The following NR1I3 variants were observed in gnomAD, a reference collection of about 807,000 sequenced individuals.
NR1I3 encodes the protein constitutive activator of retinoid response.
A neutral mutation model predicts 38.4 loss-of-function variants in NR1I3; 30 were observed. The observed-to-expected ratio is 0.78, with a 90% CI of 0.58 to 1.06. The LOEUF (loss-of-function observed/expected upper bound fraction) is 1.06. Ranked by LOEUF, NR1I3 falls within the 50% of genes least tolerant of loss-of-function variation. The probability of loss-of-function intolerance (pLI) is 0.00; values close to 1 mark genes in which losing one functional copy is unlikely to be tolerated. For missense variants in NR1I3, 388 were observed against 435.7 expected, an observed-to-expected ratio of 0.89 and a Z score of 0.97; for synonymous variants, 143 against 165.1, an observed-to-expected ratio of 0.87 and a Z score of 1.03.
At chr1:161,231,862 A>G (rs1177740906) in intron 5 of NR1I3, among the ~76,000 whole-genome samples, 2 of 152,116 alleles carry the variant, frequency 1.3e-5, no homozygotes, top group African/African-American at 4.8e-5. Flanking sequence ...GAGTCTTACT[A>G]TGTTGCCCAG....
At chr1:161,233,919 GTA>G (rs774350092) in intron 3 of NR1I3, among the ~76,000 whole-genome samples, 10 of 145,468 alleles carry the variant, frequency 6.9e-5, no homozygotes, top group Admixed American at 2.1e-4. Context: ...GTGTATATAT[GTA>G]TATATATGTG....
chr1:161,232,700 C>G (rs1186875059), intron 5 of NR1I3, 107 bp downstream of exon 5: 1 of 1,131,528 alleles, frequency 8.8e-7, no homozygotes, highest in Non-Finnish European at 1.3e-6. Context: ...AGACCTAATG[C>G]TTGGAAAGGC....
Position 161,233,837 on chromosome 1 carries a change from A to ATGTGTGTG in NR1I3, c.239-507_239-500dup, listed in dbSNP as rs761756944. 1.0e-3 allele frequency among the ~76,000 whole-genome samples: 119 copies of ATGTGTGTG among 118,568 alleles called. 1 individual carries two copies. Among genetic ancestry groups the ATGTGTGTG allele is most frequent in the South Asian group, 1.6e-3 (6 of 3,710 alleles). 77.8% of individuals were successfully genotyped at this position (118,568 alleles called of 152,430 possible). A position where few individuals can be genotyped will look rare whatever the true frequency, so the allele number is the denominator to read the frequency against. ...CAGGGCTGGTATTCATCATATATAT[A>ATGTGTGTG]TGTGTGTGTGTGTGTGTGTGTGTGT... On this transcript the variant is annotated intron_variant, in intron 3 of 8. Transcript: ENST00000367983.
intron 4 of NR1I3, 34 bp downstream of exon 4, chr1:161,233,135 G>A: frequency 6.2e-7 from 1 of 1,607,558 alleles, no homozygotes; most frequent in Non-Finnish European, 8.5e-7. Flanking sequence ...TGCCCTTTTA[G>A]TTGTATTCCA....
At position 161,238,146 on chromosome 1, in the gene NR1I3, T is replaced by G. The variant is rs555012220; in HGVS notation, c.-139A>C. On this transcript the variant is annotated 5_prime_UTR_variant, in exon 1 of 9. Transcript: ENST00000367983. ...CTGGTTTTCCTCTGATCTCAGGAGT[T>G]GCCAGTGATTGGAGTTAGGGATTAT... 1 of 1,598,842 alleles carries G rather than the reference T, an allele frequency of 6.3e-7. No homozygotes were observed. The highest frequency in any genetic ancestry group is 1.3e-5 in the African/African-American group (1 of 74,818).
chr1:161,237,714 TC>T (rs1459672560), intron 1 of NR1I3, among the ~76,000 whole-genome samples: 1 of 151,192 alleles, frequency 6.6e-6, no homozygotes, highest in Admixed American at 6.6e-5. Flanking sequence ...CGAGACTCCA[TC>T]TCAAAAAAAA....
intron 3 of NR1I3, among the ~76,000 whole-genome samples, chr1:161,233,957 G>GTGTATATATA (rs71090374): frequency 1.4e-5 from 2 of 144,264 alleles, no homozygotes; most frequent in Non-Finnish European, 3.1e-5. Flanking sequence ...GTGTATATAT[G>GTGTATATATA]TGTATATATA....
chr1:161,232,446 C>T (rs974891865), intron 5 of NR1I3, among the ~76,000 whole-genome samples: 1 of 152,088 alleles, frequency 6.6e-6, no homozygotes, highest in Non-Finnish European at 1.5e-5. Flanking sequence ...TACAGGCACC[C>T]ACCATCATGC....
Position 161,231,248 on chromosome 1 carries a change from A to G in NR1I3, c.695-15T>C. 1 of 1,614,130 alleles carries G rather than the reference A, an allele frequency of 6.2e-7. No homozygotes were observed. Among genetic ancestry groups the G allele is most frequent in the Non-Finnish European group, 8.5e-7 (1 of 1,180,018 alleles). On this transcript the variant is annotated splice_polypyrimidine_tract_variant and intron_variant, in intron 6 of 8. Coordinates refer to ENST00000367983, the MANE Select transcript of NR1I3 (RefSeq NM_005122.5). ...CTGGAACCCCACTGTGGGAGATACT[A>G]GGATTAGGAGCCTCTAGGTCACCTG...
rs776116940 is a variant in NR1I3, at chr1:161,230,775, C to A, written c.917+38G>T. 1.9e-6 allele frequency: 3 copies of A among 1,613,448 alleles called. No individual in the cohort carries two copies. In the South Asian group the frequency reaches 3.3e-5, roughly 18 times the overall value. ...CAATGTTTCACCAACCCCTTCCTGC[C>A]CTGGTGTGGCCTCCAAGCCCTCAGT... On this transcript the variant is annotated intron_variant, in intron 8 of 8. Coordinates refer to ENST00000367983, the MANE Select transcript of NR1I3 (RefSeq NM_005122.5).
intron 1 of NR1I3, among the ~76,000 whole-genome samples, chr1:161,237,058 T>C (rs998678828): frequency 4.0e-5 from 6 of 150,692 alleles, no homozygotes; most frequent in African/African-American, 1.5e-4. Flanking sequence ...TGCATCATAG[T>C]TCAATGTAAC....
rs771557332 is a variant in NR1I3, at chr1:161,229,801, C to T, written c.1043G>A (p.Ser348Asn). The change falls in exon 9 of 9, where the codon AGC (serine) becomes AAC (asparagine). Residue 348 changes from serine (S) to asparagine (N), a missense_variant. Coordinates refer to ENST00000367983, the MANE Select transcript of NR1I3 (RefSeq NM_005122.5). ...GGGAAGGAAGTGAGCATGGCCTCAG[C>T]TGCAGATCTCCTGGAGCAGCGGCAT... Reference protein sequence around the residue: ...AMMPLLQEICS With the variant: ...AMMPLLQEICN 2.0e-5 allele frequency: 32 copies of T among 1,614,100 alleles called. 1 individual carries two copies. The South Asian group carries it at 3.5e-4, about 18-fold the overall frequency.
intron 3 of NR1I3, 162 bp downstream of exon 3, chr1:161,235,685 A>G: frequency 1.3e-6 from 1 of 756,772 alleles, no homozygotes; most frequent in South Asian, 1.8e-5. Context: ...GAGATCACGT[A>G]CTTTGAGATG....
chr1:161,230,377 G>A (rs1439475249), intron 8 of NR1I3: 2 of 337,434 alleles, frequency 5.9e-6, no homozygotes, highest in African/African-American at 4.3e-5. Flanking sequence ...ACCTGGAACT[G>A]GCTTTGACCA....
chr1:161,237,790 C>G (rs1668897219), intron 1 of NR1I3, among the ~76,000 whole-genome samples: 1 of 152,106 alleles, frequency 6.6e-6, no homozygotes, highest in African/African-American at 2.4e-5. Flanking sequence ...AGTGATCAAT[C>G]CTCCCACCTT....
Position 161,232,801 on chromosome 1 carries a change from A to C in NR1I3, c.548+6T>G. ...GCCTCCTGAAAGATGAGGGGAGGTC[A>C]CTCACCGGAAGACGGGCAGGTCCTT... On this transcript the variant is annotated splice_donor_region_variant and intron_variant, in intron 5 of 8. Transcript: ENST00000367983. 1.2e-6 allele frequency: 2 copies of C among 1,614,116 alleles called. No homozygotes were observed. Among genetic ancestry groups the C allele is most frequent in the Non-Finnish European group, 1.7e-6 (2 of 1,179,956 alleles).
At chr1:161,233,959 GTA>G (rs72176119) in intron 3 of NR1I3, among the ~76,000 whole-genome samples, 17 of 115,408 alleles carry the variant, frequency 1.5e-4, no homozygotes, top group African/African-American at 3.2e-4. Flanking sequence ...GTATATATGT[GTA>G]TATATATGTG....
At chr1:161,230,485 C>T (rs878979614) in intron 8 of NR1I3, 11 of 504,292 alleles carry the variant, frequency 2.2e-5, no homozygotes, top group East Asian at 6.6e-5. Flanking sequence ...GAAAAGTCTG[C>T]GTTAGTCTGG....
chr1:161,234,555 T>C (rs1668182690), intron 3 of NR1I3, among the ~76,000 whole-genome samples: 2 of 152,174 alleles, frequency 1.3e-5, no homozygotes, highest in South Asian at 2.1e-4. Flanking sequence ...GTTTGAATAC[T>C]GACTGTACAA....
Sources: allele counts gnomAD v4.1 joint callset (sites outside exome capture counted in the v4.1 genomes callset), GRCh38; gene constraint gnomAD v4.1.1; transcripts MANE v1.5; gene names NCBI Gene and HGNC (gene_info 2026-07-23, HGNC 2026-07-21).